The following NCOA2 variants were observed in gnomAD, a reference collection of about 807,000 sequenced individuals.
NCOA2 encodes the protein nuclear receptor coactivator 2, also known as class E basic helix-loop-helix protein 75.
A neutral mutation model predicts 145.1 loss-of-function variants in NCOA2; 21 were observed. That is an observed-to-expected ratio of 0.14 (90% confidence interval 0.10 to 0.21). NCOA2 has a LOEUF of 0.21. Ranked by LOEUF, NCOA2 falls within the 10% of genes least tolerant of loss-of-function variation. The pLI, the probability that NCOA2 is intolerant of heterozygous loss-of-function variation, is 1.00. For synonymous variants in NCOA2, 619 were observed against 637.5 expected (o/e 0.97, Z 0.44); for missense variants, 1,472 against 1,837.6 (o/e 0.80, Z 3.64).
chr8:70,410,532 A>C, the NCOA2 span, among the ~76,000 whole-genome samples: 1 of 152,066 alleles, frequency 6.6e-6, no homozygotes, highest in Non-Finnish European at 1.5e-5. Flanking sequence ...ATGGAGTTTC[A>C]CCATGTTGCC....
At chr8:70,307,060 C>T (rs1040032111) in intron 1 of NCOA2, among the ~76,000 whole-genome samples, 1 of 151,918 alleles carries the variant, frequency 6.6e-6, no homozygotes, top group Admixed American at 6.6e-5. Context: ...CTTGCTCTAC[C>T]CAACTCCTTA....
the NCOA2 span, among the ~76,000 whole-genome samples, chr8:70,409,087 A>T: frequency 1.4e-4 from 22 of 152,272 alleles, no homozygotes; most frequent in Non-Finnish European, 8.8e-5. Context: ...TTTCTGTTTT[A>T]AAAAACAGTA....
the NCOA2 span, among the ~76,000 whole-genome samples, chr8:70,438,800 T>C: frequency 1.1e-4 from 16 of 152,258 alleles, no homozygotes; most frequent in Non-Finnish European, 2.1e-4. Flanking sequence ...TTTCCAATTT[T>C]AGAATTTAGT....
At chr8:70,212,722 T>C (rs1306143443) in intron 4 of NCOA2, among the ~76,000 whole-genome samples, 2 of 152,184 alleles carry the variant, frequency 1.3e-5, no homozygotes, top group African/African-American at 4.8e-5. Flanking sequence ...TTATGAAATA[T>C]GCCTTTTTTG....
At chr8:70,272,097 A>C (rs1293850076) in intron 2 of NCOA2, among the ~76,000 whole-genome samples, 2 of 152,252 alleles carry the variant, frequency 1.3e-5, no homozygotes, top group Non-Finnish European at 2.9e-5. Flanking sequence ...ACACTTGAAA[A>C]ATAAAGCTTC....
chr8:70,407,343 T>G (rs1231261129), upstream of NCOA2, among the ~76,000 whole-genome samples: 1 of 152,206 alleles, frequency 6.6e-6, no homozygotes, highest in Non-Finnish European at 1.5e-5. Context: ...ACTGAAGTAG[T>G]CATTGTATGT....
chr8:70,284,150 G>C (rs1236472944), intron 2 of NCOA2, among the ~76,000 whole-genome samples: 1 of 152,176 alleles, frequency 6.6e-6, no homozygotes, highest in Admixed American at 6.5e-5. Flanking sequence ...ATGATCATCT[G>C]CTGGGGTCCA....
chr8:70,190,334 G>A (rs1262455948), intron 4 of NCOA2, among the ~76,000 whole-genome samples: 2 of 152,178 alleles, frequency 1.3e-5, no homozygotes. Flanking sequence ...TCTATACAAA[G>A]AGGAGTTATA....
chr8:70,113,766 C>A (rs1806771403), intron 22 of NCOA2, 123 bp from the exon 23 acceptor site: 1 of 907,088 alleles, frequency 1.1e-6, no homozygotes, highest in African/African-American at 1.6e-5. Context: ...ACAGAGGCCG[C>A]ATCTGGATGA....
At chr8:70,441,057 G>GAGAAAGAAAAGAA in the NCOA2 span, among the ~76,000 whole-genome samples, 9 of 6,466 alleles carry the variant, frequency 1.4e-3, 1 homozygote, top group Non-Finnish European at 0.02. Context: ...AGAAAAGAAA[G>GAGAAAGAAAAGAA]AGAGAAAGAA....
At chr8:70,143,955 A>C (rs1810746514) in intron 13 of NCOA2, among the ~76,000 whole-genome samples, 1 of 152,260 alleles carries the variant, frequency 6.6e-6, no homozygotes, top group Admixed American at 6.5e-5. Context: ...GGCAACAGCA[A>C]TCGGTGCTAC....
intron 4 of NCOA2, among the ~76,000 whole-genome samples, chr8:70,186,197 A>G (rs1485373897): frequency 1.3e-5 from 2 of 152,132 alleles, no homozygotes; most frequent in Non-Finnish European, 2.9e-5. Flanking sequence ...TCAGTTCACA[A>G]CCCAGGGACT....
chr8:70,367,549 A>C (rs1002935182), intron 1 of NCOA2, among the ~76,000 whole-genome samples: 21 of 152,196 alleles, frequency 1.4e-4, no homozygotes, highest in African/African-American at 5.1e-4. Context: ...AGGGACCAAT[A>C]ATCACAGTAC....
chr8:70,179,833 A>T (rs955188297), intron 4 of NCOA2, among the ~76,000 whole-genome samples: 1 of 152,244 alleles, frequency 6.6e-6, no homozygotes, highest in African/African-American at 2.4e-5. Flanking sequence ...AGAGAAAGAG[A>T]TGATAAAATC....
chr8:70,272,853 TATAAA>T (rs1237497042), intron 2 of NCOA2, among the ~76,000 whole-genome samples: 1 of 151,236 alleles, frequency 6.6e-6, no homozygotes, highest in Non-Finnish European at 1.5e-5. Flanking sequence ...ATTAAACACT[TATAAA>T]GTAATAATTT....
intron 1 of NCOA2, among the ~76,000 whole-genome samples, chr8:70,371,926 A>G (rs1454416323): frequency 6.6e-6 from 1 of 152,220 alleles, no homozygotes; most frequent in Non-Finnish European, 1.5e-5. Context: ...CTGATGTCTA[A>G]TAAGTAAAAC....
chr8:70,177,221 G>C (rs1266026795), intron 4 of NCOA2, among the ~76,000 whole-genome samples: 1 of 152,204 alleles, frequency 6.6e-6, no homozygotes, highest in East Asian at 1.9e-4. Context: ...AGAATGTGCA[G>C]TGGGAACACA....
intron 22 of NCOA2, among the ~76,000 whole-genome samples, chr8:70,118,929 C>A (rs1807458122): frequency 6.6e-6 from 1 of 152,100 alleles, no homozygotes; most frequent in Non-Finnish European, 1.5e-5. Flanking sequence ...CTCAGGTGAT[C>A]CATCCGCCTC....
intron 4 of NCOA2, among the ~76,000 whole-genome samples, chr8:70,198,385 G>C (rs1371413458): frequency 6.6e-6 from 1 of 152,152 alleles, no homozygotes; most frequent in Non-Finnish European, 1.5e-5. Context: ...AGAAAGATAA[G>C]AGCAGGAGAC....
Sources: allele counts gnomAD v4.1 joint callset (sites outside exome capture counted in the v4.1 genomes callset), GRCh38; gene constraint gnomAD v4.1.1; transcripts MANE v1.5; gene names NCBI Gene and HGNC (gene_info 2026-07-23, HGNC 2026-07-21).